NBEA: variants seen among roughly 807,000 people sequenced by gnomAD.
NBEA encodes the protein lysosomal-trafficking regulator 2.
NBEA carries 44 observed loss-of-function variants against 343.4 expected under a neutral mutation model. The observed-to-expected ratio is 0.13, with a 90% CI of 0.10 to 0.16. The LOEUF (loss-of-function observed/expected upper bound fraction) is 0.16. Ranked by LOEUF, NBEA falls within the 10% of genes least tolerant of loss-of-function variation. NBEA has a pLI of 1.00. For synonymous variants in NBEA, 1,175 were observed against 1,238.7 expected (o/e 0.95, Z 1.08); for missense variants, 2,555 against 3,631.3 (o/e 0.70, Z 7.62).
At position 35,263,627 on chromosome 13, in the gene NBEA, A is replaced by C. The variant is rs73489538; in HGVS notation, c.5777-26762A>C. Among the ~76,000 whole-genome samples, 960 of 152,234 alleles carry C rather than the reference A, an allele frequency of 6.3e-3. 10 individuals carry two copies. Among genetic ancestry groups the C allele is most frequent in the African/African-American group, 0.022 (919 of 41,562 alleles). On this transcript the variant is annotated intron_variant, in intron 34 of 58. Coordinates refer to ENST00000379939, the MANE Select transcript of NBEA (RefSeq NM_001385012.1). ...GTAGAAATTGAAAACAGGAGGAACA[A>C]CTTCAGAAAAATCACAAATACATGG...
chr13:35,333,194 T>A lies in NBEA; in HGVS notation c.5904-15914T>A, dbSNP rs551866935. Reference sequence around the variant, plus strand: ...ATCAAGGGGGAAAAAAGATTTTAGATCTCTAAGGGCTGCAAAGGTTAGAAT... The same window carrying A: ...ATCAAGGGGGAAAAAAGATTTTAGAACTCTAAGGGCTGCAAAGGTTAGAAT... On this transcript the variant is annotated intron_variant, in intron 36 of 58. Transcript: ENST00000379939. 2.0e-5 allele frequency among the ~76,000 whole-genome samples: 3 copies of A among 151,682 alleles called. No individual in the cohort carries two copies. In the East Asian group the frequency reaches 5.8e-4, roughly 29 times the overall value.
intron 34 of NBEA, among the ~76,000 whole-genome samples, chr13:35,280,338 T>G (rs1388138313): frequency 6.6e-6 from 1 of 152,144 alleles, no homozygotes; most frequent in African/African-American, 2.4e-5. Flanking sequence ...AAGAAGATGT[T>G]TAAATTAATT....
At chr13:35,376,320 G>C (rs981972598) in intron 38 of NBEA, among the ~76,000 whole-genome samples, 1 of 152,112 alleles carries the variant, frequency 6.6e-6, no homozygotes, top group Admixed American at 6.5e-5. Flanking sequence ...CACTTTTTAA[G>C]ATTGTTGTCT....
At chr13:35,208,639 C>G in intron 31 of NBEA, 61 bp from the exon 32 acceptor site, 1 of 1,390,472 alleles carries the variant, frequency 7.2e-7, no homozygotes, top group Non-Finnish European at 9.6e-7. Context: ...TCTGTTGCAG[C>G]AGGATTATAA....
intron 38 of NBEA, among the ~76,000 whole-genome samples, chr13:35,395,260 C>A (rs1360193990): frequency 6.6e-6 from 1 of 151,868 alleles, no homozygotes; most frequent in Non-Finnish European, 1.5e-5. Context: ...GGAGGTTGGG[C>A]TCGGTGGGAG....
At chr13:35,627,179 G>A (rs572030972) in intron 48 of NBEA, among the ~76,000 whole-genome samples, 6 of 152,270 alleles carry the variant, frequency 3.9e-5, no homozygotes, top group East Asian at 3.9e-4. Flanking sequence ...TTTAGTGACC[G>A]CCGTAATTTA....
Position 34,943,012 on chromosome 13 carries a change from G to C in NBEA, c.192G>C (p.Ser64=). 1 of 1,612,558 alleles carries C rather than the reference G, an allele frequency of 6.2e-7. No individual in the cohort carries two copies. Among genetic ancestry groups the C allele is most frequent in the Non-Finnish European group, 8.5e-7 (1 of 1,179,350 alleles). ...VMLPAGMINP[S]VPIRNIRMKF... ...TCCCCGCGGGGATGATTAACCCTTC[G>C]GTGCCGATCCGCAACATCCGGATGA... Residue 64 remains serine (S), a synonymous_variant, in exon 1 of 59, where the codon TCG becomes TCC. Coordinates refer to ENST00000379939, the MANE Select transcript of NBEA (RefSeq NM_001385012.1).
In NBEA at chr13:35,180,644, T is replaced by C. The variant is rs938811600; in HGVS notation, c.4663-1716T>C. On this transcript the variant is annotated intron_variant, in intron 28 of 58. Coordinates refer to ENST00000379939, the MANE Select transcript of NBEA (RefSeq NM_001385012.1). ...AGTGTTTTAGAGGTCATTTTTCCTG[T>C]GCAGAATAATGGACTATTATTTCTT... Among the ~76,000 whole-genome samples the C allele has an allele frequency of 2.0e-5, 3 of 151,716 alleles. No homozygotes were observed. The Admixed American group carries it at 2.0e-4, about 10-fold the overall frequency.
At chr13:35,660,926 G>A (rs1271614699) in intron 55 of NBEA, among the ~76,000 whole-genome samples, 2 of 152,158 alleles carry the variant, frequency 1.3e-5, no homozygotes, top group Non-Finnish European at 2.9e-5. Context: ...TTCTCACCTT[G>A]CAGGGCTTTT....
At chr13:34,993,053 G>A (rs2152517910) in intron 1 of NBEA, among the ~76,000 whole-genome samples, 1 of 152,094 alleles carries the variant, frequency 6.6e-6, no homozygotes, top group Non-Finnish European at 1.5e-5. Context: ...TCCTGCTACT[G>A]TTGCATTCAT....
chr13:34,980,858 G>A (rs928356303), intron 1 of NBEA, among the ~76,000 whole-genome samples: 7 of 151,962 alleles, frequency 4.6e-5, no homozygotes, highest in African/African-American at 1.7e-4. Context: ...TGATTGAAGT[G>A]CCCCTATGTA....
chr13:35,539,102 G>A (rs2078688321), intron 41 of NBEA, among the ~76,000 whole-genome samples: 1 of 152,128 alleles, frequency 6.6e-6, no homozygotes, highest in South Asian at 2.1e-4. Context: ...TTAAATTACT[G>A]CCATGTGCTA....
intron 6 of NBEA, among the ~76,000 whole-genome samples, chr13:35,052,605 G>C (rs1256556629): frequency 6.6e-6 from 1 of 150,978 alleles, no homozygotes; most frequent in Non-Finnish European, 1.5e-5. Context: ...TGCACACATA[G>C]TTTCCAAGTT....
chr13:35,286,200 A>G (rs1180267051), intron 34 of NBEA, among the ~76,000 whole-genome samples: 1 of 152,174 alleles, frequency 6.6e-6, no homozygotes. Flanking sequence ...GGTGTCAGGC[A>G]CATTAGACAA....
intron 36 of NBEA, among the ~76,000 whole-genome samples, chr13:35,326,332 T>C (rs1423979170): frequency 1.3e-5 from 2 of 152,078 alleles, no homozygotes; most frequent in Non-Finnish European, 2.9e-5. Flanking sequence ...TTTATTGTTA[T>C]CCTTGTAGAG....
intron 38 of NBEA, among the ~76,000 whole-genome samples, chr13:35,429,836 C>CGTGTGTGTGTGT (rs1566121329): frequency 3.8e-5 from 2 of 52,040 alleles, no homozygotes; most frequent in Non-Finnish European, 8.4e-5. Flanking sequence ...TGTGTGTGTA[C>CGTGTGTGTGTGT]ACACATTTTC....
intron 35 of NBEA, among the ~76,000 whole-genome samples, chr13:35,302,070 T>C (rs1305824986): frequency 6.6e-6 from 1 of 152,174 alleles, no homozygotes; most frequent in Non-Finnish European, 1.5e-5. Context: ...GTTGGAAGGG[T>C]GGCCCAAACT....
chr13:35,628,585 C>CA (rs1259840350), intron 49 of NBEA, among the ~76,000 whole-genome samples: 1 of 152,170 alleles, frequency 6.6e-6, no homozygotes, highest in Non-Finnish European at 1.5e-5. Context: ...TCCACATTAA[C>CA]ATAATCTGCC....
Position 35,236,252 on chromosome 13 carries a change from T to C in NBEA, c.5776+3633T>C, listed in dbSNP as rs558073979. 6.6e-5 allele frequency among the ~76,000 whole-genome samples: 10 copies of C among 152,290 alleles called. No individual in the cohort carries two copies. The East Asian group carries it at 1.7e-3, about 26-fold the overall frequency. ...CTATAGTTGTTTAAAAGAATGACTT[T>C]CAGTATCCCTCACAATTTGGTCATA... On this transcript the variant is annotated intron_variant, in intron 34 of 58. Transcript: ENST00000379939.
Sources: gnomAD v4.1 joint callset for allele counts (sites outside exome capture counted in the v4.1 genomes callset) on GRCh38, gnomAD v4.1.1 for gene constraint, MANE v1.5 for transcripts, NCBI Gene and HGNC (gene_info 2026-07-23, HGNC 2026-07-21) for gene names.